Variants in BCAS1 observed in about 807,000 individuals in gnomAD.
BCAS1 encodes the protein breast carcinoma-amplified sequence 1.
BCAS1 carries 46 observed loss-of-function variants against 65.4 expected under a neutral mutation model. The observed-to-expected ratio is 0.70, with a 90% CI of 0.55 to 0.90. The LOEUF (loss-of-function observed/expected upper bound fraction) is 0.90. Ranked by LOEUF, BCAS1 falls within the 40% of genes least tolerant of loss-of-function variation. The pLI is 0.00. For synonymous variants in BCAS1, 298 were observed against 293.5 expected (o/e 1.02, Z -0.16); for missense variants, 793 against 771.2 (o/e 1.03, Z -0.33).
At chr20:54,065,113 C>CATTT (rs2092420412) in intron 1 of BCAS1, among the ~76,000 whole-genome samples, 2 of 144,176 alleles carry the variant, frequency 1.4e-5, no homozygotes, top group Non-Finnish European at 3.0e-5. Flanking sequence ...ATCTATCTAT[C>CATTT]ATCTATCTAT....
chr20:53,982,874 CAAAT>C (rs1203984946), intron 8 of BCAS1, among the ~76,000 whole-genome samples: 1 of 152,044 alleles, frequency 6.6e-6, no homozygotes, highest in Non-Finnish European at 1.5e-5. Context: ...GTACTTAGCA[CAAAT>C]AAAGTAATTA....
At chr20:54,022,123 G>A (rs1353008768) in intron 4 of BCAS1, among the ~76,000 whole-genome samples, 1 of 152,120 alleles carries the variant, frequency 6.6e-6, no homozygotes, top group Non-Finnish European at 1.5e-5. Context: ...CTAAGCCTAG[G>A]GACTAAGCAA....
chr20:54,066,127 C>T lies in BCAS1; in HGVS notation c.-6+4306G>A, dbSNP rs536527235. Among the ~76,000 whole-genome samples, 7 of 150,124 alleles carry T rather than the reference C, an allele frequency of 4.7e-5. No homozygotes were observed. In the East Asian group the frequency reaches 7.9e-4, roughly 17 times the overall value. On this transcript the variant is annotated intron_variant, in intron 1 of 12. Transcript: ENST00000688948. ...TGGCTCTGTCGCCCAGGCTGGAGTG[C>T]AGTGGCGCCATTTCGGCTCACTGCA...
chr20:54,059,770 G>A (rs975759077), intron 1 of BCAS1, among the ~76,000 whole-genome samples: 9 of 152,168 alleles, frequency 5.9e-5, no homozygotes, highest in African/African-American at 1.9e-4. Context: ...GACACACTGG[G>A]AAGTATTTGT....
chr20:54,013,308 A>T (rs2145973215), intron 4 of BCAS1, among the ~76,000 whole-genome samples: 1 of 152,370 alleles, frequency 6.6e-6, no homozygotes, highest in Non-Finnish European at 1.5e-5. Context: ...ATAGATTAAA[A>T]ATAATACAAG....
intron 4 of BCAS1, among the ~76,000 whole-genome samples, chr20:54,017,423 T>C (rs1432403208): frequency 6.7e-6 from 1 of 148,888 alleles, no homozygotes; most frequent in South Asian, 2.1e-4. Context: ...TGAGGTGGAG[T>C]CTCGCTCTGT....
At chr20:54,020,688 G>A (rs2091537118) in intron 4 of BCAS1, among the ~76,000 whole-genome samples, 1 of 152,220 alleles carries the variant, frequency 6.6e-6, no homozygotes, top group Non-Finnish European at 1.5e-5. Flanking sequence ...CGTCTCTTAA[G>A]ATAACTGTCT....
In BCAS1 at chr20:54,025,142, C is replaced by T. The variant is rs6097730; in HGVS notation, c.723+3250G>A. ...CTTCATCTTATGAAACTCTGCATGG[C>T]AACACTTTATGCGCCCCACACCCCC... On this transcript the variant is annotated intron_variant, in intron 4 of 12. Transcript: ENST00000688948. Among the ~76,000 whole-genome samples, 132 of 152,290 alleles carry T rather than the reference C, an allele frequency of 8.7e-4. 1 individual carries two copies. The highest frequency in any genetic ancestry group is 3.0e-3 in the African/African-American group (125 of 41,556).
intron 4 of BCAS1, among the ~76,000 whole-genome samples, chr20:54,018,181 A>G (rs2091479490): frequency 6.6e-6 from 1 of 152,052 alleles, no homozygotes; most frequent in Non-Finnish European, 1.5e-5. Context: ...TCTCCTGTCT[A>G]CTTTCTATCT....
At chr20:54,058,234 A>C in intron 2 of BCAS1, 80 bp from the exon 3 acceptor site, 1 of 1,255,788 alleles carries the variant, frequency 8.0e-7, no homozygotes, top group South Asian at 1.2e-5. Flanking sequence ...TCTAAGATAC[A>C]AGGGTGTCTC....
intron 8 of BCAS1, among the ~76,000 whole-genome samples, chr20:53,983,617 T>C (rs910316853): frequency 8.5e-5 from 13 of 152,228 alleles, no homozygotes; most frequent in African/African-American, 3.1e-4. Context: ...CAGCCCCACC[T>C]GTCATGCCTT....
intron 3 of BCAS1, among the ~76,000 whole-genome samples, chr20:54,044,744 A>G (rs949547594): frequency 6.6e-6 from 1 of 151,946 alleles, no homozygotes; most frequent in Non-Finnish European, 1.5e-5. Flanking sequence ...AGGCTGAGGC[A>G]TGACAATCGC....
intron 6 of BCAS1, 94 bp downstream of exon 6, chr20:53,994,918 T>TAC: frequency 2.4e-6 from 2 of 843,342 alleles, no homozygotes; most frequent in Non-Finnish European, 1.8e-6. Flanking sequence ...CACACACACA[T>TAC]ATATGTATTC....
chr20:53,967,838 C>T (rs999188216), intron 9 of BCAS1, among the ~76,000 whole-genome samples: 3 of 152,194 alleles, frequency 2.0e-5, no homozygotes, highest in East Asian at 3.9e-4. Flanking sequence ...TTGTACAGGG[C>T]CCCAGTCACA....
At chr20:53,969,169 G>A (rs866707651) in intron 9 of BCAS1, among the ~76,000 whole-genome samples, 6 of 151,858 alleles carry the variant, frequency 4.0e-5, no homozygotes, top group Non-Finnish European at 8.8e-5. Flanking sequence ...TGTGCTTTTC[G>A]TGTTCTCTGT....
chr20:53,958,042 G>T (rs965663234), intron 10 of BCAS1, among the ~76,000 whole-genome samples: 3 of 152,148 alleles, frequency 2.0e-5, no homozygotes, highest in East Asian at 3.9e-4. Context: ...GGTTCTAGAA[G>T]TATGATTCCA....
intron 9 of BCAS1, among the ~76,000 whole-genome samples, chr20:53,973,800 A>G (rs983530356): frequency 6.6e-6 from 1 of 152,164 alleles, no homozygotes; most frequent in Non-Finnish European, 1.5e-5. Flanking sequence ...AAGAAAGAAA[A>G]GAAGGAAGGA....
At position 53,991,973 on chromosome 20, in the gene BCAS1, C is replaced by A. The variant is rs564620604; in HGVS notation, c.1062+539G>T. Among the ~76,000 whole-genome samples, 16 of 152,284 alleles carry A rather than the reference C, an allele frequency of 1.1e-4. No individual in the cohort carries two copies. In the South Asian group the frequency reaches 3.3e-3, roughly 32 times the overall value. On this transcript the variant is annotated intron_variant, in intron 7 of 12. Coordinates refer to ENST00000688948, the MANE Select transcript of BCAS1 (RefSeq NM_001366298.2). Reference sequence around the variant, plus strand: ...CAGTCTGGTGATGGTACATCTTTAACATTTTTCTACCATTGGCCAATTAAT... The same window carrying A: ...CAGTCTGGTGATGGTACATCTTTAAAATTTTTCTACCATTGGCCAATTAAT...
intron 4 of BCAS1, among the ~76,000 whole-genome samples, chr20:54,003,738 C>T (rs972152148): frequency 5.3e-5 from 8 of 152,210 alleles, no homozygotes; most frequent in African/African-American, 1.9e-4. Flanking sequence ...TCATGAGCAG[C>T]TGAAGCTTCA....
Sources: allele counts gnomAD v4.1 joint callset (sites outside exome capture counted in the v4.1 genomes callset), GRCh38; gene constraint gnomAD v4.1.1; transcripts MANE v1.5; gene names NCBI Gene and HGNC (gene_info 2026-07-23, HGNC 2026-07-21).